MIEN1: variants seen among roughly 807,000 people sequenced by gnomAD.
The protein encoded by MIEN1 is migration and invasion enhancer 1.
A neutral mutation model predicts 15.5 loss-of-function variants in MIEN1; 12 were observed. The observed-to-expected ratio is 0.78, with a 90% CI of 0.50 to 1.26. The LOEUF (loss-of-function observed/expected upper bound fraction) is 1.26. Ranked by LOEUF, MIEN1 falls within the 50% of genes most tolerant of loss-of-function variation. The pLI is 0.00. For missense variants in MIEN1, 160 were observed against 151.7 expected (o/e 1.05, Z -0.29); for synonymous variants, 63 against 62.8 (o/e 1.00, Z -0.02).
At chr17:39,730,087 C>G in intron 2 of MIEN1, 107 bp downstream of exon 2, 1 of 1,085,058 alleles carries the variant, frequency 9.2e-7, no homozygotes, top group Non-Finnish European at 1.3e-6. Flanking sequence ...TACCATGTGC[C>G]AGGCACTGCG....
In MIEN1 at chr17:39,729,666, C is replaced by T; in HGVS notation, c.264+19G>A. On this transcript the variant is annotated intron_variant, in intron 3 of 3. Transcript: ENST00000394231. ...GGGTAGGGTGACCAAGAGGTCCTCC[C>T]AACGCTGTAAATACTCACATCTTTC... 6.2e-7 allele frequency: 1 copy of T among 1,614,162 alleles called. No individual in the cohort carries two copies. The highest frequency in any genetic ancestry group is 8.5e-7 in the Non-Finnish European group (1 of 1,180,010).
chr17:39,730,301 C>G lies in MIEN1; in HGVS notation c.90-10G>C, dbSNP rs759833512. 9.5e-6 allele frequency: 15 copies of G among 1,582,854 alleles called. No individual in the cohort carries two copies. The Admixed American group carries it at 1.9e-4, about 20-fold the overall frequency. ...GAAGCCGCAGGGTTCACTGGGGAGT[C>G]AAGAGATGGGGCTGGGCTGGGGATT... On this transcript the variant is annotated splice_polypyrimidine_tract_variant and intron_variant, in intron 1 of 3. Transcript: ENST00000394231.
intron 2 of MIEN1, 157 bp downstream of exon 2, chr17:39,730,037 C>G: frequency 1.3e-6 from 1 of 773,832 alleles, no homozygotes; most frequent in Non-Finnish European, 2.1e-6. Flanking sequence ...CTGTGACACC[C>G]CCTGACCTAT....
At chr17:39,730,342 C>T in intron 1 of MIEN1, 51 bp from the exon 2 acceptor site, 1 of 1,563,420 alleles carries the variant, frequency 6.4e-7, no homozygotes, top group Non-Finnish European at 8.7e-7. Context: ...GTGGGGCCTC[C>T]CGTGGACCCA....
Position 39,730,298 on chromosome 17 carries a change from A to G in MIEN1, c.90-7T>C. On this transcript the variant is annotated splice_polypyrimidine_tract_variant and splice_region_variant and intron_variant, in intron 1 of 3. Transcript: ENST00000394231. ...CTCGAAGCCGCAGGGTTCACTGGGG[A>G]GTCAAGAGATGGGGCTGGGCTGGGG... The G allele has an allele frequency of 6.3e-7, 1 of 1,597,726 alleles. No individual in the cohort carries two copies. The highest frequency in any genetic ancestry group is 8.5e-7 in the Non-Finnish European group (1 of 1,173,196).
At position 39,730,530 on chromosome 17, in the gene MIEN1, T is replaced by TGTGACGCGAACCGCGGGCAC; in HGVS notation, c.-36_-35insGTGCCCGCGGTTCGCGTCAC. 1 of 1,509,550 alleles carries TGTGACGCGAACCGCGGGCAC rather than the reference T, an allele frequency of 6.6e-7. No homozygotes were observed. Among genetic ancestry groups the TGTGACGCGAACCGCGGGCAC allele is most frequent in the Non-Finnish European group, 8.8e-7 (1 of 1,137,446 alleles). 93.5% of individuals were successfully genotyped at this position (1,509,550 alleles called of 1,614,324 possible). On this transcript the variant is annotated 5_prime_UTR_variant, in exon 1 of 4. Coordinates refer to ENST00000394231, the MANE Select transcript of MIEN1 (RefSeq NM_032339.5). Reference sequence around the variant, plus strand: ...CTCCGCTCGGGCCCCTGCTTCCGGGTGTGACGCGAACCGCGGGCACGTGAC... The same window carrying TGTGACGCGAACCGCGGGCAC: ...CTCCGCTCGGGCCCCTGCTTCCGGGTGTGACGCGAACCGCGGGCACGTGACGCGAACCGCGGGCACGTGAC...
rs1479889639 is a variant in MIEN1, at chr17:39,730,458, G to T, written c.38C>A (p.Pro13His). 4.5e-6 allele frequency: 7 copies of T among 1,546,916 alleles called. No individual in the cohort carries two copies. Among genetic ancestry groups the T allele is most frequent in the Admixed American group, 3.9e-5 (2 of 51,102 alleles). ...GEPGQTSVAP[P>H]PEEVEPGSGV... is the part of the protein sequence containing the mutation. ...ACTGCCCGGCTCGACCTCCTCGGGAGGGGGCGCTACGGACGTCTGCCCCGG... is the reference window on the plus strand; with the variant it reads ...ACTGCCCGGCTCGACCTCCTCGGGATGGGGCGCTACGGACGTCTGCCCCGG... Residue 13 changes from proline to histidine, a missense_variant, in exon 1 of 4, where the codon CCT (proline) becomes CAT (histidine). Transcript: ENST00000394231.
chr17:39,730,023 G>T (rs937461681), intron 2 of MIEN1, 171 bp downstream of exon 2: 3 of 725,130 alleles, frequency 4.1e-6, no homozygotes, highest in African/African-American at 3.5e-5. Context: ...TTCCCCACAG[G>T]CCTCTGTGAC....
Position 39,729,547 on chromosome 17 carries a change from C to CTG in MIEN1, c.321_322dup (p.Ser108ThrfsTer45). On this transcript the variant is annotated frameshift_variant, in exon 4 of 4. Coordinates refer to ENST00000394231, the MANE Select transcript of MIEN1 (RefSeq NM_032339.5). LOFTEE classifies it high-confidence loss of function. ...TCACAGGATGACGCAGGGAGGACGGCTGTTGGTGATCTTTTCTAGGGTTTC... is the reference window on the plus strand; with the variant it reads ...TCACAGGATGACGCAGGGAGGACGGCTGTGTTGGTGATCTTTTCTAGGGTTTC... The CTG allele has an allele frequency of 6.2e-7, 1 of 1,614,004 alleles. No individual in the cohort carries two copies. Among genetic ancestry groups the CTG allele is most frequent in the Non-Finnish European group, 8.5e-7 (1 of 1,180,020 alleles).
In MIEN1 at chr17:39,728,836, T is replaced by C. The variant is rs1364130354; in HGVS notation, c.*686A>G. Reference sequence around the variant, plus strand: ...GGGAGATCGGGAAGCTGGATTCAGATCTGAGAGCCCTTTGACGACCAGATC... The same window carrying C: ...GGGAGATCGGGAAGCTGGATTCAGACCTGAGAGCCCTTTGACGACCAGATC... On this transcript the variant is annotated 3_prime_UTR_variant, in exon 4 of 4. Transcript: ENST00000394231. The C allele has an allele frequency of 2.0e-5, 4 of 200,794 alleles. No homozygotes were observed. The highest frequency in any genetic ancestry group is 4.1e-5 in the Non-Finnish European group (4 of 97,568). 12.4% of individuals were successfully genotyped at this position (200,794 alleles called of 1,614,324 possible). A position where few individuals can be genotyped will look rare whatever the true frequency, so the allele number is the denominator to read the frequency against.
At position 39,728,681 on chromosome 17, in the gene MIEN1, G is replaced by A; in HGVS notation, c.*841C>T. ...ACAGCTAGGCACCGGCCTATGTCTGGGGGTGGCTCTGTGCCATCCCTTCCT... is the reference window on the plus strand; with the variant it reads ...ACAGCTAGGCACCGGCCTATGTCTGAGGGTGGCTCTGTGCCATCCCTTCCT... On this transcript the variant is annotated 3_prime_UTR_variant, in exon 4 of 4. Coordinates refer to ENST00000394231, the MANE Select transcript of MIEN1 (RefSeq NM_032339.5). 4.3e-6 allele frequency: 1 copy of A among 230,698 alleles called. No individual in the cohort carries two copies. The highest frequency in any genetic ancestry group is 8.6e-6 in the Non-Finnish European group (1 of 116,446). The allele number at this position is 230,698 out of a possible 1,614,324, so 14.3% of individuals were successfully genotyped here. A position where few individuals can be genotyped will look rare whatever the true frequency, so the allele number is the denominator to read the frequency against.
At position 39,730,187 on chromosome 17, in the gene MIEN1, G is replaced by A. The variant is rs1266929381; in HGVS notation, c.187+7C>T. 1 of 1,598,308 alleles carries A rather than the reference G, an allele frequency of 6.3e-7. No homozygotes were observed. Among genetic ancestry groups the A allele is most frequent in the African/African-American group, 1.3e-5 (1 of 74,770 alleles). On this transcript the variant is annotated splice_region_variant and intron_variant, in intron 2 of 3. Coordinates refer to ENST00000394231, the MANE Select transcript of MIEN1 (RefSeq NM_032339.5). ...GACTGACCCAGCAGGTGTTCTGCGA[G>A]CCTCACCTGTGCCCCCGAGGCGCGA...
intron 1 of MIEN1, 43 bp from the exon 2 acceptor site, chr17:39,730,334 GGGGCCTCCCGTGGACCCACCTCC>G: frequency 6.4e-7 from 1 of 1,568,270 alleles, no homozygotes; most frequent in Non-Finnish European, 8.6e-7. Flanking sequence ...ATTCGGGGGT[GGGGCCTCCCGTGGACCCACCTCC>G]GTCCGGCCCG....
chr17:39,729,867 A>G, intron 2 of MIEN1, 106 bp from the exon 3 acceptor site: 1 of 1,436,870 alleles, frequency 7.0e-7, no homozygotes, highest in Non-Finnish European at 9.6e-7. Flanking sequence ...ATCCCACTGG[A>G]GACCCATTTG....
At position 39,729,421 on chromosome 17, in the gene MIEN1, G is replaced by GAT; in HGVS notation, c.*100_*101insAT. ...TGGAGGCCAGGGTCTCTTTGCTAAG[G>GAT]AGCTAAGTAGGGGAAAGAGGCAGGG... On this transcript the variant is annotated 3_prime_UTR_variant, in exon 4 of 4. Coordinates refer to ENST00000394231, the MANE Select transcript of MIEN1 (RefSeq NM_032339.5). 6.8e-7 allele frequency: 1 copy of GAT among 1,465,522 alleles called. No individual in the cohort carries two copies. The highest frequency in any genetic ancestry group is 9.4e-7 in the Non-Finnish European group (1 of 1,060,686). The allele number at this position is 1,465,522 out of a possible 1,614,324, so 90.8% of individuals were successfully genotyped here. A position where few individuals can be genotyped will look rare whatever the true frequency, so the allele number is the denominator to read the frequency against.
At position 39,728,542 on chromosome 17, in the gene MIEN1, T is replaced by G. The variant is rs954943465; in HGVS notation, c.*980A>C. ...TTTAGTTTTTACTTTTTTTGTTTTG[T>G]TTTTTTAAAGATGAAATAAAGACCC... On this transcript the variant is annotated 3_prime_UTR_variant, in exon 4 of 4. Coordinates refer to ENST00000394231, the MANE Select transcript of MIEN1 (RefSeq NM_032339.5). 9.0e-5 allele frequency: 21 copies of G among 234,480 alleles called. No homozygotes were observed. The highest frequency in any genetic ancestry group is 4.4e-4 in the African/African-American group (20 of 45,368). 14.5% of individuals were successfully genotyped at this position (234,480 alleles called of 1,614,324 possible).
chr17:39,730,384 G>A, intron 1 of MIEN1, 23 bp downstream of exon 1: 1 of 1,553,502 alleles, frequency 6.4e-7, no homozygotes, highest in South Asian at 1.2e-5. Flanking sequence ...CAGGGTGCGG[G>A]TCCTCCAGCC....
chr17:39,728,674 A>G lies in MIEN1; in HGVS notation c.*848T>C, dbSNP rs948473333. 7 of 231,114 alleles carry G rather than the reference A, an allele frequency of 3.0e-5. No individual in the cohort carries two copies. The highest frequency in any genetic ancestry group is 1.1e-4 in the Admixed American group (2 of 17,686). The allele number at this position is 231,114 out of a possible 1,614,324, so 14.3% of individuals were successfully genotyped here. A position where few individuals can be genotyped will look rare whatever the true frequency, so the allele number is the denominator to read the frequency against. ...TTGGAAAACAGCTAGGCACCGGCCTATGTCTGGGGGTGGCTCTGTGCCATC... is the reference window on the plus strand; with the variant it reads ...TTGGAAAACAGCTAGGCACCGGCCTGTGTCTGGGGGTGGCTCTGTGCCATC... On this transcript the variant is annotated 3_prime_UTR_variant, in exon 4 of 4. Transcript: ENST00000394231.
rs2059923785 is a variant in MIEN1, at chr17:39,729,717, G to A, written c.232C>T (p.Leu78=). The change falls in exon 3 of 4, where the codon CTG becomes TTG. Residue 78 remains leucine, a synonymous_variant. Transcript: ENST00000394231. ...EINGQLVFSK[L]ENGGFPYEKD... is the part of the protein sequence containing the mutation. The stretch of plus-strand genomic sequence containing the variant: ...TCATAGGGAAAGCCCCCATTCTCCA[G>A]CTTGGAGAACACCAGCTGTCCATTT... The A allele has an allele frequency of 6.2e-7, 1 of 1,613,922 alleles. No individual in the cohort carries two copies. The highest frequency in any genetic ancestry group is 1.3e-5 in the African/African-American group (1 of 74,912).
Sources: gnomAD v4.1 joint callset for allele counts on GRCh38, gnomAD v4.1.1 for gene constraint, MANE v1.5 for transcripts, NCBI Gene and HGNC (gene_info 2026-07-23, HGNC 2026-07-21) for gene names.